BTAF1: variants seen among roughly 807,000 people sequenced by gnomAD.
BTAF1 encodes the protein B-TFIID TATA-box binding protein associated factor 1, also known as TATA-binding protein-associated factor 172.
Under a neutral mutation model 227.1 loss-of-function variants are expected in BTAF1, and 38 were observed. That is an observed-to-expected ratio of 0.17 (90% CI 0.13 to 0.22). The LOEUF (loss-of-function observed/expected upper bound fraction) is 0.22, where lower values mean the gene tolerates loss of function less well. Among genes scored for constraint, BTAF1 ranks in the 10% least tolerant of loss-of-function variants. The pLI, the probability that BTAF1 is intolerant of heterozygous loss-of-function variation, is 1.00. For missense variants in BTAF1, 1,598 were observed against 2,204.0 expected (o/e 0.73, Z 5.51); for synonymous variants, 742 against 751.9 (o/e 0.99, Z 0.21).
intron 14 of BTAF1, among the ~76,000 whole-genome samples, chr10:91,974,005 C>T (rs536497799): frequency 6.6e-6 from 1 of 151,456 alleles, no homozygotes; most frequent in African/African-American, 2.4e-5. Flanking sequence ...AAATTTTATA[C>T]GGGGACAAAA....
chr10:92,024,759 C>A lies in BTAF1; in HGVS notation c.4867C>A (p.Leu1623Met). Residue 1623 changes from leucine to methionine, a missense_variant, in exon 35 of 38, where the codon CTG becomes ATG. Leu to Met is a conservative substitution (Grantham distance 15). This residue lies in a region of BTAF1 where 205 missense variants were observed against 244.5 expected (regional missense o/e 0.84). Transcript: ENST00000265990. ...TTTTTTTTTTTTTCTTCCTAAGTTGCTGTTGGACTGCGGTTTGGGAAATGG... is the reference window on the plus strand; with the variant it reads ...TTTTTTTTTTTTTCTTCCTAAGTTGATGTTGGACTGCGGTTTGGGAAATGG... ...APKLSALKQLLLDCGLGNGST... is the reference protein window; with the variant it reads ...APKLSALKQLMLDCGLGNGST... 2.2e-6 allele frequency: 3 copies of A among 1,363,384 alleles called. No individual in the cohort carries two copies. Among genetic ancestry groups the A allele is most frequent in the South Asian group, 1.5e-5 (1 of 65,954 alleles). 84.5% of individuals were successfully genotyped at this position (1,363,384 alleles called of 1,614,324 possible).
chr10:91,970,326 T>G (rs1401196564), intron 14 of BTAF1, among the ~76,000 whole-genome samples: 7 of 152,168 alleles, frequency 4.6e-5, no homozygotes, highest in Admixed American at 3.9e-4. Context: ...AAAGAAATCC[T>G]GTGTATTAGC....
intron 1 of BTAF1, among the ~76,000 whole-genome samples, chr10:91,925,480 T>G (rs1051054866): frequency 3.3e-5 from 5 of 151,342 alleles, no homozygotes; most frequent in Non-Finnish European, 7.4e-5. Flanking sequence ...AATGAAAGTG[T>G]TTAAAAAGAA....
chr10:91,963,975 C>G, intron 12 of BTAF1, 102 bp from the exon 13 acceptor site: 1 of 1,257,672 alleles, frequency 8.0e-7, no homozygotes, highest in Non-Finnish European at 1.1e-6. Flanking sequence ...ATTGGAATTG[C>G]ATGTGTTGTT....
intron 25 of BTAF1, among the ~76,000 whole-genome samples, chr10:92,004,416 TAAC>T (rs1849743097): frequency 1.3e-5 from 2 of 152,166 alleles, no homozygotes; most frequent in African/African-American, 4.8e-5. Flanking sequence ...ATGCTGGAAA[TAAC>T]AATGTTTTAG....
intron 4 of BTAF1, among the ~76,000 whole-genome samples, chr10:91,950,157 G>A (rs1010055210): frequency 1.7e-5 from 2 of 115,722 alleles, no homozygotes; most frequent in African/African-American, 6.5e-5. Flanking sequence ...GTGGGGGGGG[G>A]CGGGAAAGAA....
At chr10:91,958,987 C>G in intron 8 of BTAF1, 78 bp from the exon 9 acceptor site, 2 of 1,284,888 alleles carry the variant, frequency 1.6e-6, no homozygotes, top group African/African-American at 3.0e-5. Flanking sequence ...TCCAGTATCC[C>G]TATTTCGTAT....
At position 91,966,575 on chromosome 10, in the gene BTAF1, A is replaced by G. The variant is rs1846933039; in HGVS notation, c.1530-62A>G. ...CACTAGATCCCATGAGAATATTTAG[A>G]TAATGTATCTACAGAGTTACAACTT... is the stretch of plus-strand genomic sequence containing the variant. On this transcript the variant is annotated intron_variant, in intron 13 of 37. Transcript: ENST00000265990. 4.5e-6 allele frequency: 7 copies of G among 1,546,782 alleles called. No individual in the cohort carries two copies. In the South Asian group the frequency reaches 8.0e-5, roughly 18 times the overall value.
At chr10:91,950,427 A>G (rs945881653) in intron 4 of BTAF1, among the ~76,000 whole-genome samples, 2 of 151,776 alleles carry the variant, frequency 1.3e-5, no homozygotes, top group African/African-American at 4.8e-5. Context: ...GGTTAGTCCA[A>G]TAGGAACTAA....
At position 92,028,950 on chromosome 10, in the gene BTAF1, A is replaced by G. The variant is rs1468725890; in HGVS notation, c.*17A>G. 1.9e-6 allele frequency: 3 copies of G among 1,559,346 alleles called. No homozygotes were observed. The Admixed American group carries it at 6.1e-5, about 32-fold the overall frequency. Reference sequence around the variant, plus strand: ...CTCAAGTAACTATCAAATATTGTAAATGCAATTGCTGCTAGTTCAGTTACA... The same window carrying G: ...CTCAAGTAACTATCAAATATTGTAAGTGCAATTGCTGCTAGTTCAGTTACA... On this transcript the variant is annotated 3_prime_UTR_variant, in exon 38 of 38. Coordinates refer to ENST00000265990, the MANE Select transcript of BTAF1 (RefSeq NM_003972.3).
At chr10:91,984,548 A>G in intron 19 of BTAF1, 144 bp downstream of exon 19, 3 of 710,940 alleles carry the variant, frequency 4.2e-6, no homozygotes, top group Non-Finnish European at 6.7e-6. Context: ...CCCTTGAGAA[A>G]GGTTATTTCA....
intron 15 of BTAF1, among the ~76,000 whole-genome samples, chr10:91,981,342 A>G (rs866474888): frequency 6.6e-6 from 1 of 152,106 alleles, no homozygotes; most frequent in African/African-American, 2.4e-5. Context: ...TATGCAAAGG[A>G]TTTATTTCAG....
intron 19 of BTAF1, among the ~76,000 whole-genome samples, chr10:91,986,950 T>C (rs1380876926): frequency 2.0e-5 from 3 of 152,084 alleles, no homozygotes; most frequent in Admixed American, 6.6e-5. Context: ...CTGCCAAATA[T>C]AGACATTTCC....
intron 33 of BTAF1, among the ~76,000 whole-genome samples, chr10:92,018,344 C>T (rs1426109561): frequency 6.6e-6 from 1 of 152,138 alleles, no homozygotes; most frequent in African/African-American, 2.4e-5. Context: ...GCCTCCCAAA[C>T]TGTTGGGATT....
At chr10:91,964,669 A>G (rs1846755145) in intron 13 of BTAF1, among the ~76,000 whole-genome samples, 1 of 152,158 alleles carries the variant, frequency 6.6e-6, no homozygotes, top group Non-Finnish European at 1.5e-5. Context: ...CATGAAGGAA[A>G]TACATAATAA....
Position 92,009,374 on chromosome 10 carries a change from C to T in BTAF1, c.4103+166C>T, listed in dbSNP as rs75539817. Reference sequence around the variant, plus strand: ...CTTTGGGAAGATATAATCAGTGAGGCTCATCAAAATTGAGGAATTTTAACC... The same window carrying T: ...CTTTGGGAAGATATAATCAGTGAGGTTCATCAAAATTGAGGAATTTTAACC... On this transcript the variant is annotated intron_variant, in intron 28 of 37. Transcript: ENST00000265990. Among the ~76,000 whole-genome samples the T allele has an allele frequency of 5.9e-5, 9 of 152,296 alleles. No individual in the cohort carries two copies. In the East Asian group the frequency reaches 1.5e-3, roughly 26 times the overall value.
chr10:91,958,563 G>A lies in BTAF1; in HGVS notation c.901-502G>A, dbSNP rs576042836. ...CTAAAAATAGAAAAACTAGCCGGGC[G>A]TGGTGGCGGGCGCCTGAAATCCCAG... On this transcript the variant is annotated intron_variant, in intron 8 of 37. Transcript: ENST00000265990. Among the ~76,000 whole-genome samples, 13 of 152,164 alleles carry A rather than the reference G, an allele frequency of 8.5e-5. No individual in the cohort carries two copies. In the East Asian group the frequency reaches 2.0e-3, roughly 23 times the overall value.
intron 19 of BTAF1, among the ~76,000 whole-genome samples, chr10:91,985,811 T>G (rs1270569881): frequency 6.6e-6 from 1 of 152,204 alleles, no homozygotes; most frequent in Admixed American, 6.5e-5. Context: ...AATTAGGTTG[T>G]TTGTTTGTTA....
intron 21 of BTAF1, 94 bp downstream of exon 21, chr10:91,992,403 T>G: frequency 1.7e-6 from 2 of 1,204,238 alleles, no homozygotes; most frequent in South Asian, 3.8e-5. Flanking sequence ...TCCAGAGTTG[T>G]TTTTAAGTAA....
Sources: gnomAD v4.1 joint callset for allele counts (sites outside exome capture counted in the v4.1 genomes callset) on GRCh38, gnomAD v4.1.1 for gene constraint, gnomAD v4.1.1 regional missense constraint, MANE v1.5 for transcripts, NCBI Gene and HGNC (gene_info 2026-07-23, HGNC 2026-07-21) for gene names.